Variants in FLYWCH1 observed in about 807,000 individuals in gnomAD.
FLYWCH1 encodes FLYWCH-type zinc finger 1.
Under a neutral mutation model 66.4 loss-of-function variants are expected in FLYWCH1, and 75 were observed. The ratio of observed to expected loss-of-function variants is 1.13; its 90% CI spans 0.94 to 1.37. FLYWCH1 has a LOEUF of 1.37. FLYWCH1 is among the 40% of genes most tolerant of loss of function. The pLI, the probability that FLYWCH1 is intolerant of heterozygous loss-of-function variation, is 0.00. For synonymous variants in FLYWCH1, 595 were observed against 429.9 expected (o/e 1.38, Z -4.75); for missense variants, 1,334 against 1,001.8 (o/e 1.33, Z -4.48).
intron 2 of FLYWCH1, among the ~76,000 whole-genome samples, chr16:2,918,702 A>C (rs1219726640): frequency 6.6e-6 from 1 of 152,134 alleles, no homozygotes; most frequent in African/African-American, 2.4e-5. Flanking sequence ...CGGCCTCCCA[A>C]AGTGCTGGGA....
chr16:2,922,370 C>G (rs1180954377), intron 2 of FLYWCH1: 1 of 181,030 alleles, frequency 5.5e-6, no homozygotes, highest in Non-Finnish European at 1.2e-5. Context: ...GTTGAAGTGT[C>G]CAGGTCAGCG....
intron 4 of FLYWCH1, among the ~76,000 whole-genome samples, chr16:2,931,275 C>T (rs1260855784): frequency 1.5e-5 from 2 of 137,420 alleles, no homozygotes; most frequent in East Asian, 4.2e-4. Flanking sequence ...TGTATTCCAG[C>T]CTGGTGACTG....
chr16:2,938,059 C>G, intron 7 of FLYWCH1, 125 bp from the exon 8 acceptor site: 1 of 914,784 alleles, frequency 1.1e-6, no homozygotes, highest in Admixed American at 2.8e-5. Context: ...GGGCAGGGAC[C>G]ACCGTGCAGC....
At position 2,912,174 on chromosome 16, in the gene FLYWCH1, G is replaced by T. The variant is rs919815564; in HGVS notation, c.-188+20G>T. On this transcript the variant is annotated intron_variant, in intron 1 of 9. Transcript: ENST00000253928. Reference sequence around the variant, plus strand: ...CCGTCGGTGAGGACAGGCCCCTGCGGGCGGGGAATGTCCCGCGTCCCCGGC... The same window carrying T: ...CCGTCGGTGAGGACAGGCCCCTGCGTGCGGGGAATGTCCCGCGTCCCCGGC... 1 of 152,244 alleles carries T rather than the reference G, an allele frequency of 6.6e-6. No homozygotes were observed. Among genetic ancestry groups the T allele is most frequent in the African/African-American group, 2.4e-5 (1 of 41,460 alleles). The allele number at this position is 152,244 out of a possible 1,614,324, so 9.4% of individuals were successfully genotyped here.
chr16:2,934,690 AGTTCTCTCG>A (rs751913218), intron 6 of FLYWCH1: 4 of 456,322 alleles, frequency 8.8e-6, no homozygotes, highest in South Asian at 6.2e-5. Context: ...ATGGCCCTAA[AGTTCTCTCG>A]GACTTGAGAG....
chr16:2,919,801 A>G (rs765819031), intron 2 of FLYWCH1, among the ~76,000 whole-genome samples: 1 of 152,176 alleles, frequency 6.6e-6, no homozygotes, highest in African/African-American at 2.4e-5. Flanking sequence ...CCACCCGTGT[A>G]ATTTTACCAA....
chr16:2,928,619 A>G (rs1435424133), intron 2 of FLYWCH1, among the ~76,000 whole-genome samples: 20 of 152,208 alleles, frequency 1.3e-4, no homozygotes, highest in Admixed American at 1.3e-3. Flanking sequence ...ACAGCATCAC[A>G]AAGCAGAGCA....
chr16:2,923,773 C>G (rs1471304898), intron 2 of FLYWCH1, among the ~76,000 whole-genome samples: 1 of 152,162 alleles, frequency 6.6e-6, no homozygotes, highest in African/African-American at 2.4e-5. Context: ...CGTAGTGGCT[C>G]ACACCTGTAA....
In FLYWCH1 at chr16:2,933,535, C is replaced by A. The variant is rs74005528; in HGVS notation, c.1202C>A (p.Thr401Asn). 2 of 1,609,642 alleles carry A rather than the reference C, an allele frequency of 1.2e-6. No individual in the cohort carries two copies. The highest frequency in any genetic ancestry group is 1.7e-6 in the Non-Finnish European group (2 of 1,177,894). ...RAKVEDQELP[T>N]QPEAPDEHQD... ...AAGGTCGAAGACCAGGAGCTGCCAA[C>A]CCAGCCCGAGGCCCCAGACGAGCAC... Residue 401 changes from threonine to asparagine, a missense_variant, in exon 5 of 10, where the codon ACC becomes AAC. Thr to Asn is a moderately conservative substitution (Grantham distance 65, BLOSUM62 0). Coordinates refer to ENST00000253928, the MANE Select transcript of FLYWCH1 (RefSeq NM_001308068.2).
chr16:2,938,356 C>T lies in FLYWCH1; in HGVS notation c.1950C>T (p.Ile650=), dbSNP rs1302059764. The stretch of plus-strand genomic sequence containing the variant: ...GCGCCATAACCCAGGGCCACCGCAT[C>T]ATGGTCATGCGCAGCCACTGCCATC... ...RSRAITQGHR[I]MVMRSHCHQP... The change falls in exon 8 of 10, where the codon ATC becomes ATT. Residue 650 remains isoleucine (I), a synonymous_variant. Transcript: ENST00000253928. The T allele has an allele frequency of 6.3e-6, 10 of 1,597,542 alleles. No homozygotes were observed. Among genetic ancestry groups the T allele is most frequent in the Non-Finnish European group, 8.5e-6 (10 of 1,171,244 alleles).
rs764743533 is a variant in FLYWCH1, at chr16:2,930,028, G to A, written c.325+18G>A. 7.0e-5 allele frequency: 112 copies of A among 1,588,812 alleles called. 1 individual carries two copies. The highest frequency in any genetic ancestry group is 9.0e-5 in the South Asian group (8 of 88,850). On this transcript the variant is annotated intron_variant, in intron 3 of 9. Coordinates refer to ENST00000253928, the MANE Select transcript of FLYWCH1 (RefSeq NM_001308068.2). The stretch of plus-strand genomic sequence containing the variant: ...GGATGCAGGTGAGGTGTGGCTTCCC[G>A]CCCCTGCCCAGCCACCCCGTGGGTT...
At chr16:2,921,129 C>G (rs1353863431) in intron 2 of FLYWCH1, among the ~76,000 whole-genome samples, 1 of 152,180 alleles carries the variant, frequency 6.6e-6, no homozygotes, top group East Asian at 1.9e-4. Flanking sequence ...GCGTGAGCCA[C>G]CATTCCCAGA....
chr16:2,942,176 A>T (rs1168687858), intron 9 of FLYWCH1, among the ~76,000 whole-genome samples: 2 of 152,118 alleles, frequency 1.3e-5, no homozygotes, highest in African/African-American at 4.8e-5. Context: ...AATAAAGATG[A>T]GACCTTACTA....
Position 2,930,872 on chromosome 16 carries a change from T to A in FLYWCH1, c.788T>A (p.Leu263Gln). The change falls in exon 4 of 10, where the codon CTG becomes CAG. Residue 263 changes from leucine (L) to glutamine (Q), a missense_variant. Physicochemically the swap from Leu to Gln is moderately radical, Grantham distance 113. Transcript: ENST00000253928. ...LSLPPKKRSI[L>Q]GLGQARPLEF... Reference sequence around the variant, plus strand: ...CTGCCGCCCAAGAAGCGCTCGATCCTGGGGCTGGGTGAGTACAATCCACTC... The same window carrying A: ...CTGCCGCCCAAGAAGCGCTCGATCCAGGGGCTGGGTGAGTACAATCCACTC... 6.3e-7 allele frequency: 1 copy of A among 1,589,178 alleles called. No homozygotes were observed. The highest frequency in any genetic ancestry group is 1.3e-5 in the African/African-American group (1 of 74,642).
intron 9 of FLYWCH1, among the ~76,000 whole-genome samples, chr16:2,941,529 A>T (rs1418543204): frequency 6.6e-6 from 1 of 151,902 alleles, no homozygotes; most frequent in African/African-American, 2.4e-5. Flanking sequence ...GCAGTGAAGC[A>T]TGATTGTACC....
Position 2,929,833 on chromosome 16 carries a change from C to G in FLYWCH1, c.148C>G (p.Gln50Glu), listed in dbSNP as rs775543736. 1.3e-5 allele frequency: 21 copies of G among 1,613,952 alleles called. No homozygotes were observed. The East Asian group carries it at 4.7e-4, about 36-fold the overall frequency. ...SKLVLLTASDQDEDGVGSKPQ... is the reference protein window; with the variant it reads ...SKLVLLTASDEDEDGVGSKPQ... ...ACTGGTGCTGCTCACAGCCTCCGAC[C>G]AAGATGAGGATGGGGTGGGATCCAA... is the stretch of plus-strand genomic sequence containing the variant. The change falls in exon 3 of 10, where the codon CAA (glutamine) becomes GAA (glutamate). Residue 50 changes from glutamine to glutamate, a missense_variant. By Grantham distance (29) the Gln-to-Glu change is conservative. Transcript: ENST00000253928.
intron 2 of FLYWCH1, among the ~76,000 whole-genome samples, chr16:2,916,606 C>T (rs1044405815): frequency 1.3e-5 from 2 of 152,042 alleles, no homozygotes; most frequent in African/African-American, 4.8e-5. Flanking sequence ...CACTGCACTC[C>T]AGCCTGGGTG....
At chr16:2,915,314 T>G (rs186038986) in intron 2 of FLYWCH1, 47 of 152,116 alleles carry the variant, frequency 3.1e-4, no homozygotes, top group African/African-American at 9.6e-4. Context: ...TTTTTTGTAT[T>G]TTTAGTAGAG....
chr16:2,934,544 C>A, intron 6 of FLYWCH1: 1 of 433,894 alleles, frequency 2.3e-6, no homozygotes. Context: ...TAAATGTCCC[C>A]ATAGCGTCTG....
Sources: gnomAD v4.1 joint callset for allele counts (sites outside exome capture counted in the v4.1 genomes callset) on GRCh38, gnomAD v4.1.1 for gene constraint, MANE v1.5 for transcripts, NCBI Gene and HGNC (gene_info 2026-07-23, HGNC 2026-07-21) for gene names.